Variants in PDE4B observed in about 807,000 individuals in gnomAD.
The protein encoded by PDE4B is phosphodiesterase 4B.
A neutral mutation model predicts 82.2 loss-of-function variants in PDE4B; 20 were observed. The ratio of observed to expected loss-of-function variants is 0.24; its 90% confidence interval spans 0.17 to 0.35. The LOEUF is 0.35. Among genes scored for constraint, PDE4B ranks in the 10% least tolerant of loss-of-function variants. The pLI is 1.00. For synonymous variants in PDE4B, 320 were observed against 318.9 expected (o/e 1.00, Z -0.04); for missense variants, 655 against 907.2 (o/e 0.72, Z 3.57).
chr1:66,287,827 G>A (rs1186812605), intron 7 of PDE4B, among the ~76,000 whole-genome samples: 1 of 151,954 alleles, frequency 6.6e-6, no homozygotes, highest in East Asian at 1.9e-4. Context: ...TATAAAAGTA[G>A]CTGAGCATGG....
At position 66,162,305 on chromosome 1, in the gene PDE4B, C is replaced by CTTTTTTTTTTTTTTTT. The variant is rs1168144080; in HGVS notation, c.282-85142_282-85127dup. On this transcript the variant is annotated intron_variant, in intron 3 of 16. Coordinates refer to ENST00000341517, the MANE Select transcript of PDE4B (RefSeq NM_002600.4). ...TTGGTGGTAAGGTTCATGGACTTCTCTTTTTTTTTTTTTTTTTTTTTTTTT... is the reference window on the plus strand; with the variant it reads ...TTGGTGGTAAGGTTCATGGACTTCTCTTTTTTTTTTTTTTTTTTTTTTTTTTTTTTTTTTTTTTTTT... Among the ~76,000 whole-genome samples, 23 of 40,304 alleles carry CTTTTTTTTTTTTTTTT rather than the reference C, an allele frequency of 5.7e-4. 3 individuals are homozygous for CTTTTTTTTTTTTTTTT. The highest frequency in any genetic ancestry group is 1.3e-3 in the Admixed American group (3 of 2,336). 26.4% of individuals were successfully genotyped at this position (40,304 alleles called of 152,430 possible).
intron 3 of PDE4B, among the ~76,000 whole-genome samples, chr1:65,926,696 A>G (rs1342865078): frequency 1.3e-5 from 2 of 152,122 alleles, no homozygotes; most frequent in Admixed American, 6.6e-5. Flanking sequence ...GTAGGCCTAC[A>G]TAGAATTGAT....
intron 1 of PDE4B, among the ~76,000 whole-genome samples, chr1:65,825,705 C>CCTATCTATCTATCTATCTAT (rs57327589): frequency 1.9e-5 from 2 of 107,374 alleles, no homozygotes; most frequent in Non-Finnish European, 4.4e-5. Context: ...AACAAAATTA[C>CCTATCTATCTATCTATCTAT]CTATCTATCT....
intron 1 of PDE4B, among the ~76,000 whole-genome samples, chr1:65,843,703 T>C (rs1303975396): frequency 6.6e-5 from 10 of 152,308 alleles, no homozygotes; most frequent in Admixed American, 6.5e-4. Flanking sequence ...TCTGCTTTTA[T>C]CTTACATTTG....
At chr1:66,196,513 C>T (rs1648308157) in intron 3 of PDE4B, among the ~76,000 whole-genome samples, 1 of 152,130 alleles carries the variant, frequency 6.6e-6, no homozygotes, top group African/African-American at 2.4e-5. Context: ...CATCAGTTGC[C>T]CCACTGTGAA....
intron 3 of PDE4B, among the ~76,000 whole-genome samples, chr1:66,033,013 C>A (rs1653875302): frequency 6.6e-6 from 1 of 152,102 alleles, no homozygotes; most frequent in Non-Finnish European, 1.5e-5. Context: ...TCCCTCGCTT[C>A]CTTCTCTTCT....
intron 2 of PDE4B, among the ~76,000 whole-genome samples, chr1:65,917,028 C>G (rs1010800732): frequency 1.3e-5 from 2 of 152,134 alleles, no homozygotes; most frequent in African/African-American, 4.8e-5. Context: ...TGAAAATTCT[C>G]AAGCCTGTTC....
intron 1 of PDE4B, among the ~76,000 whole-genome samples, chr1:65,858,690 G>A (rs187130325): frequency 5.8e-4 from 88 of 152,132 alleles, no homozygotes; most frequent in African/African-American, 1.8e-3. Flanking sequence ...TCTGTATACC[G>A]TATTTTCCTC....
chr1:66,329,972 A>G (rs1659994528), intron 7 of PDE4B, among the ~76,000 whole-genome samples: 1 of 152,180 alleles, frequency 6.6e-6, no homozygotes, highest in African/African-American at 2.4e-5. Flanking sequence ...CTACAAAGTT[A>G]TATCAGGGAG....
intron 8 of PDE4B, among the ~76,000 whole-genome samples, chr1:66,345,982 T>A (rs1351080952): frequency 6.6e-6 from 1 of 152,190 alleles, no homozygotes. Context: ...TTGGTTCAGT[T>A]TTGCAATATT....
chr1:65,967,994 G>A (rs147304914), intron 3 of PDE4B, among the ~76,000 whole-genome samples: 4,838 of 152,086 alleles, frequency 0.032, 193 homozygotes, highest in Admixed American at 0.12. Flanking sequence ...TTCTGAACAT[G>A]TATCCTAGAA....
At chr1:66,228,195 C>T (rs1486383904) in intron 3 of PDE4B, among the ~76,000 whole-genome samples, 1 of 152,218 alleles carries the variant, frequency 6.6e-6, no homozygotes, top group Non-Finnish European at 1.5e-5. Flanking sequence ...TTAAATCTCT[C>T]CTGGCACTAT....
intron 3 of PDE4B, among the ~76,000 whole-genome samples, chr1:66,144,985 C>T (rs780047923): frequency 1.2e-4 from 18 of 152,190 alleles, no homozygotes; most frequent in Non-Finnish European, 2.4e-4. Flanking sequence ...TAACTTTTTA[C>T]AATAGTAGAA....
At chr1:66,189,902 G>C (rs1189271677) in intron 3 of PDE4B, among the ~76,000 whole-genome samples, 3 of 152,218 alleles carry the variant, frequency 2.0e-5, no homozygotes, top group Admixed American at 1.3e-4. Context: ...TGGAGGAGGA[G>C]AGGTGCTCTG....
intron 3 of PDE4B, among the ~76,000 whole-genome samples, chr1:66,081,510 A>G (rs1557547017): frequency 6.6e-6 from 1 of 152,158 alleles, no homozygotes; most frequent in Non-Finnish European, 1.5e-5. Context: ...TATATATTCT[A>G]ATAACATCTA....
chr1:66,272,434 A>G (rs547828924), intron 7 of PDE4B, among the ~76,000 whole-genome samples: 106 of 152,180 alleles, frequency 7.0e-4, no homozygotes, highest in South Asian at 8.3e-4. Context: ...CCCATTACTT[A>G]TCAGTAAGTT....
intron 3 of PDE4B, among the ~76,000 whole-genome samples, chr1:65,971,769 A>AT (rs1650153256): frequency 6.6e-6 from 1 of 152,196 alleles, no homozygotes; most frequent in Admixed American, 6.5e-5. Context: ...AGGGAGAATG[A>AT]TTCATGCCAA....
At chr1:66,060,576 T>C (rs542490540) in intron 3 of PDE4B, among the ~76,000 whole-genome samples, 1 of 152,334 alleles carries the variant, frequency 6.6e-6, no homozygotes, top group African/African-American at 2.4e-5. Context: ...ACACACTTTG[T>C]ATTGATTACA....
intron 1 of PDE4B, among the ~76,000 whole-genome samples, chr1:65,853,687 G>A (rs12124334): frequency 0.11 from 17,001 of 151,812 alleles, 1,080 homozygotes; most frequent in Non-Finnish European, 0.14. Flanking sequence ...GCACCACCAC[G>A]CACAGCTAAT....
Sources: gnomAD v4.1 joint callset for allele counts (sites outside exome capture counted in the v4.1 genomes callset) on GRCh38, gnomAD v4.1.1 for gene constraint, MANE v1.5 for transcripts, NCBI Gene and HGNC (gene_info 2026-07-23, HGNC 2026-07-21) for gene names.